Variants in RALYL observed in about 807,000 individuals in gnomAD.
The protein encoded by RALYL is RNA-binding Raly-like protein.
In RALYL, 29 loss-of-function variants were observed where a neutral mutation model predicts 35.1. The ratio of observed to expected loss-of-function variants is 0.83; its 90% CI spans 0.61 to 1.13. The LOEUF is 1.13. RALYL is among the 50% of genes most tolerant of loss of function. The pLI, the probability that RALYL is intolerant of heterozygous loss-of-function variation, is 0.00. For synonymous variants in RALYL, 120 were observed against 127.6 expected (o/e 0.94, Z 0.40); for missense variants, 359 against 360.4 (o/e 1.00, Z 0.03).
chr8:84,502,432 G>A (rs2056779227), intron 1 of RALYL, among the ~76,000 whole-genome samples: 1 of 151,660 alleles, frequency 6.6e-6, no homozygotes, highest in Non-Finnish European at 1.5e-5. Context: ...AACAAATTCT[G>A]AGACTAAAAA....
Position 84,454,423 on chromosome 8 carries a change from A to G in RALYL, c.-23-74876A>G, listed in dbSNP as rs150462200. ...CATAACTTCATAGGCTTCATAGACT[A>G]CTTGCGATCTTTAAGGATCAATGAG... On this transcript the variant is annotated intron_variant, in intron 1 of 8. Coordinates refer to ENST00000521268, the MANE Select transcript of RALYL (RefSeq NM_173848.7). Among the ~76,000 whole-genome samples, 791 of 152,196 alleles carry G rather than the reference A, an allele frequency of 5.2e-3. 4 individuals carry two copies. The highest frequency in any genetic ancestry group is 0.018 in the African/African-American group (762 of 41,564).
intron 2 of RALYL, among the ~76,000 whole-genome samples, chr8:84,699,802 C>T (rs564706314): frequency 1.5e-4 from 23 of 151,910 alleles, no homozygotes; most frequent in Admixed American, 4.6e-4. Flanking sequence ...GGCTATCATC[C>T]GAAAAGAGAC....
At chr8:84,527,488 G>T (rs1282712954) in intron 1 of RALYL, among the ~76,000 whole-genome samples, 2 of 152,098 alleles carry the variant, frequency 1.3e-5, no homozygotes, top group South Asian at 2.1e-4. Flanking sequence ...GTTTACCCTT[G>T]AAAATAACTC....
chr8:84,260,301 A>AT (rs1202876299), intron 1 of RALYL, among the ~76,000 whole-genome samples: 1 of 152,094 alleles, frequency 6.6e-6, no homozygotes, highest in Non-Finnish European at 1.5e-5. Context: ...ACTGGCAATT[A>AT]TTTTTTCTCA....
intron 2 of RALYL, among the ~76,000 whole-genome samples, chr8:84,770,061 T>C (rs1397433566): frequency 2.0e-5 from 3 of 152,158 alleles, no homozygotes; most frequent in African/African-American, 7.2e-5. Context: ...GAAAAATGTT[T>C]ATTTCCATAG....
At chr8:84,551,401 T>C (rs1421706367) in intron 2 of RALYL, among the ~76,000 whole-genome samples, 1 of 152,146 alleles carries the variant, frequency 6.6e-6, no homozygotes, top group African/African-American at 2.4e-5. Flanking sequence ...CAAATCTGGC[T>C]ACAGTCCTGG....
intron 2 of RALYL, among the ~76,000 whole-genome samples, chr8:84,592,661 G>A (rs553388520): frequency 6.6e-6 from 1 of 152,140 alleles, no homozygotes; most frequent in South Asian, 2.1e-4. Flanking sequence ...ATTATAATGG[G>A]ACATATCCCA....
chr8:84,485,270 C>T (rs1373317758), intron 1 of RALYL, among the ~76,000 whole-genome samples: 1 of 152,120 alleles, frequency 6.6e-6, no homozygotes, highest in African/African-American at 2.4e-5. Flanking sequence ...TAGCAAACAT[C>T]TCATACTCAA....
chr8:84,886,994 C>G (rs552008119), intron 7 of RALYL, among the ~76,000 whole-genome samples: 1 of 152,300 alleles, frequency 6.6e-6, no homozygotes, highest in South Asian at 2.1e-4. Flanking sequence ...CCCAGGTTGT[C>G]TGACCCCAGA....
At chr8:84,496,371 T>G (rs2056018575) in intron 1 of RALYL, among the ~76,000 whole-genome samples, 1 of 152,140 alleles carries the variant, frequency 6.6e-6, no homozygotes, top group East Asian at 1.9e-4. Context: ...CACTGGGTGT[T>G]TAGTTTCAGA....
intron 4 of RALYL, among the ~76,000 whole-genome samples, chr8:84,820,097 T>C (rs1828200891): frequency 6.6e-6 from 1 of 152,174 alleles, no homozygotes; most frequent in African/African-American, 2.4e-5. Context: ...CTCAACCCAG[T>C]AACAATTTGA....
At chr8:84,552,761 A>T (rs1272501059) in intron 2 of RALYL, among the ~76,000 whole-genome samples, 1 of 151,700 alleles carries the variant, frequency 6.6e-6, no homozygotes, top group African/African-American at 2.4e-5. Context: ...TTGCAACTTC[A>T]TATAATGAAG....
At chr8:84,745,427 T>C (rs1808383255) in intron 2 of RALYL, among the ~76,000 whole-genome samples, 1 of 152,064 alleles carries the variant, frequency 6.6e-6, no homozygotes, top group Non-Finnish European at 1.5e-5. Flanking sequence ...GCCCTAGGGT[T>C]TCTATTGTGT....
intron 2 of RALYL, among the ~76,000 whole-genome samples, chr8:84,547,752 T>G (rs1252733329): frequency 6.6e-6 from 1 of 152,212 alleles, no homozygotes; most frequent in Non-Finnish European, 1.5e-5. Flanking sequence ...GTTTTCTTTG[T>G]GGGATAATAT....
intron 2 of RALYL, among the ~76,000 whole-genome samples, chr8:84,561,981 CA>C (rs1452527236): frequency 1.3e-5 from 2 of 151,932 alleles, no homozygotes; most frequent in Non-Finnish European, 2.9e-5. Flanking sequence ...AGATTTCCAC[CA>C]AACAGTTGTT....
At chr8:84,781,085 A>C (rs557283028) in intron 3 of RALYL, among the ~76,000 whole-genome samples, 1 of 151,984 alleles carries the variant, frequency 6.6e-6, no homozygotes, top group South Asian at 2.1e-4. Context: ...CTGGTCTCAA[A>C]CTCCCAAGCT....
intron 1 of RALYL, among the ~76,000 whole-genome samples, chr8:84,371,541 A>T (rs1356983154): frequency 8.2e-5 from 6 of 73,022 alleles, no homozygotes; most frequent in Non-Finnish European, 1.6e-4. Flanking sequence ...TATGATTATC[A>T]CACACACACA....
intron 4 of RALYL, among the ~76,000 whole-genome samples, chr8:84,813,384 G>A (rs187836884): frequency 6.6e-6 from 1 of 152,276 alleles, no homozygotes; most frequent in Non-Finnish European, 1.5e-5. Flanking sequence ...GCGAGCCTCT[G>A]CACGCTGCTC....
chr8:84,314,119 G>T (rs146061758), intron 1 of RALYL, among the ~76,000 whole-genome samples: 1 of 152,090 alleles, frequency 6.6e-6, no homozygotes, highest in African/African-American at 2.4e-5. Context: ...GAGAGAGAGC[G>T]CAAGTGCAGG....
Sources: allele counts gnomAD v4.1 joint callset (sites outside exome capture counted in the v4.1 genomes callset), GRCh38; gene constraint gnomAD v4.1.1; transcripts MANE v1.5; gene names NCBI Gene and HGNC (gene_info 2026-07-23, HGNC 2026-07-21).